Variants in PDZRN4 observed in about 807,000 individuals in gnomAD.
The protein encoded by PDZRN4 is PDZ domain containing ring finger 4.
In PDZRN4, 70 loss-of-function variants were observed where a neutral mutation model predicts 99.0. That is an observed-to-expected ratio of 0.71 (90% confidence interval 0.58 to 0.86). The LOEUF is 0.86. PDZRN4 is among the 40% of genes least tolerant of loss of function. The pLI, the probability that PDZRN4 is intolerant of heterozygous loss-of-function variation, is 0.00. For missense variants in PDZRN4, 1,474 were observed against 1,331.2 expected (o/e 1.11, Z -1.67); for synonymous variants, 551 against 501.6 (o/e 1.10, Z -1.32).
chr12:41,409,187 A>G (rs1952373803), intron 3 of PDZRN4, among the ~76,000 whole-genome samples: 1 of 152,164 alleles, frequency 6.6e-6, no homozygotes, highest in Non-Finnish European at 1.5e-5. Flanking sequence ...TCATACTTTT[A>G]GAAAACAAAA....
At chr12:41,329,288 A>G (rs923826130) in intron 3 of PDZRN4, among the ~76,000 whole-genome samples, 7 of 152,116 alleles carry the variant, frequency 4.6e-5, no homozygotes, top group Admixed American at 3.9e-4. Context: ...TTAATACAGG[A>G]ACGTGTATTC....
chr12:41,344,773 AAT>A (rs574208592), intron 3 of PDZRN4, among the ~76,000 whole-genome samples: 125 of 148,458 alleles, frequency 8.4e-4, no homozygotes, highest in African/African-American at 2.8e-3. Context: ...TGATATACAT[AAT>A]ATATATATTT....
intron 7 of PDZRN4, among the ~76,000 whole-genome samples, chr12:41,563,174 T>C (rs937304577): frequency 6.6e-6 from 1 of 152,180 alleles, no homozygotes. Context: ...ATTTCAGTTG[T>C]GGTATTGCCA....
intron 3 of PDZRN4, among the ~76,000 whole-genome samples, chr12:41,325,984 C>G (rs1280170550): frequency 6.6e-6 from 1 of 151,194 alleles, no homozygotes; most frequent in African/African-American, 2.4e-5. Flanking sequence ...TTTCTCTTCT[C>G]TTTTTTTTTC....
At chr12:41,309,932 CTTTTTTTAT>C (rs1184028996) in intron 3 of PDZRN4, among the ~76,000 whole-genome samples, 1 of 151,810 alleles carries the variant, frequency 6.6e-6, no homozygotes, top group Non-Finnish European at 1.5e-5. Context: ...TTCGTCCTTT[CTTTTTTTAT>C]TTTTTTTTTG....
chr12:41,564,257 T>C (rs1215100298), intron 8 of PDZRN4, among the ~76,000 whole-genome samples: 2 of 152,224 alleles, frequency 1.3e-5, no homozygotes, highest in African/African-American at 2.4e-5. Flanking sequence ...AAGTTTAGTG[T>C]GACCAAAACA....
chr12:41,459,127 G>A (rs1952847100), intron 3 of PDZRN4, among the ~76,000 whole-genome samples: 1 of 152,192 alleles, frequency 6.6e-6, no homozygotes, highest in East Asian at 1.9e-4. Flanking sequence ...CTATGGTTTA[G>A]ATGGGCTAAA....
chr12:41,317,578 C>T (rs969351968), intron 3 of PDZRN4, among the ~76,000 whole-genome samples: 1 of 151,880 alleles, frequency 6.6e-6, no homozygotes, highest in Non-Finnish European at 1.5e-5. Flanking sequence ...TTGTTTTTTT[C>T]CTTTGTGAAG....
chr12:41,552,564 C>A, intron 5 of PDZRN4, 92 bp from the exon 6 acceptor site: 2 of 917,924 alleles, frequency 2.2e-6, no homozygotes, highest in Non-Finnish European at 3.4e-6. Flanking sequence ...TTAATACTTG[C>A]CAGAGTAACC....
chr12:41,320,472 T>C (rs1461241391), intron 3 of PDZRN4, among the ~76,000 whole-genome samples: 1 of 152,224 alleles, frequency 6.6e-6, no homozygotes, highest in Non-Finnish European at 1.5e-5. Context: ...CTTTGTTATC[T>C]GGGATGTTGT....
intron 3 of PDZRN4, among the ~76,000 whole-genome samples, chr12:41,194,745 C>G (rs1006292221): frequency 6.6e-6 from 1 of 152,112 alleles, no homozygotes; most frequent in African/African-American, 2.4e-5. Context: ...TAATGAATAC[C>G]TCTGTTTTAA....
intron 2 of PDZRN4, 128 bp downstream of exon 2, chr12:41,191,672 T>A (rs1193478301): frequency 3.9e-6 from 2 of 508,930 alleles, no homozygotes; most frequent in Non-Finnish European, 6.8e-6. Context: ...AAACAAGTGG[T>A]TTAATCTTTA....
Position 41,511,480 on chromosome 12 carries a change from G to T in PDZRN4, c.1203+1567G>T, listed in dbSNP as rs542043849. Among the ~76,000 whole-genome samples, 5 of 152,140 alleles carry T rather than the reference G, an allele frequency of 3.3e-5. No homozygotes were observed. In the South Asian group the frequency reaches 8.3e-4, roughly 25 times the overall value. ...ATCACAGCATCATAGTCATTAATTT[G>T]CTGTCAGCTGTGATTCCGTTGCCAA... is the stretch of plus-strand genomic sequence containing the variant. On this transcript the variant is annotated intron_variant, in intron 5 of 9. Transcript: ENST00000402685.
chr12:41,539,050 TA>T, intron 5 of PDZRN4, among the ~76,000 whole-genome samples: 1 of 152,056 alleles, frequency 6.6e-6, no homozygotes, highest in African/African-American at 2.4e-5. Context: ...TAATCAAACT[TA>T]GAAGGTATGT....
intron 3 of PDZRN4, among the ~76,000 whole-genome samples, chr12:41,242,839 T>G (rs1158047986): frequency 2.0e-5 from 3 of 152,214 alleles, no homozygotes; most frequent in Non-Finnish European, 4.4e-5. Flanking sequence ...GTGGAGTTAA[T>G]GCACTTAGCA....
intron 3 of PDZRN4, among the ~76,000 whole-genome samples, chr12:41,471,917 A>AAGT (rs1447985121): frequency 1.0e-5 from 1 of 100,020 alleles, no homozygotes; most frequent in Non-Finnish European, 1.9e-5. Flanking sequence ...ATTAACTTCA[A>AAGT]AGTTGATAGG....
chr12:41,406,333 G>T (rs1001234669), intron 3 of PDZRN4, among the ~76,000 whole-genome samples: 3 of 151,844 alleles, frequency 2.0e-5, no homozygotes, highest in Non-Finnish European at 4.4e-5. Flanking sequence ...AAAACAGTTT[G>T]GTTGAAAACG....
intron 3 of PDZRN4, among the ~76,000 whole-genome samples, chr12:41,204,777 C>T (rs892564514): frequency 6.6e-6 from 1 of 151,934 alleles, no homozygotes; most frequent in African/African-American, 2.4e-5. Flanking sequence ...TGGGTGGGGA[C>T]ACAGCCAAAC....
chr12:41,394,229 C>T (rs1284664425), intron 3 of PDZRN4, among the ~76,000 whole-genome samples: 1 of 152,000 alleles, frequency 6.6e-6, no homozygotes, highest in East Asian at 1.9e-4. Flanking sequence ...CCATCATGAC[C>T]TAATTATCTA....
Sources: gnomAD v4.1 joint callset for allele counts (sites outside exome capture counted in the v4.1 genomes callset) on GRCh38, gnomAD v4.1.1 for gene constraint, MANE v1.5 for transcripts, NCBI Gene and HGNC (gene_info 2026-07-23, HGNC 2026-07-21) for gene names.